ANTXR1: variants seen among roughly 807,000 people sequenced by gnomAD.
ANTXR1 encodes the protein ANTXR cell adhesion molecule 1.
A neutral mutation model predicts 78.1 loss-of-function variants in ANTXR1; 19 were observed. That is an observed-to-expected ratio of 0.24 (90% CI 0.17 to 0.36). The LOEUF (loss-of-function observed/expected upper bound fraction) is 0.36. ANTXR1 is among the 10% of genes least tolerant of loss of function. The probability of loss-of-function intolerance (pLI) is 1.00; values close to 1 mark genes in which losing one functional copy is unlikely to be tolerated. For synonymous variants in ANTXR1, 273 were observed against 260.5 expected (o/e 1.05, Z -0.46); for missense variants, 518 against 718.6 (o/e 0.72, Z 3.19).
intron 10 of ANTXR1, chr2:69,103,180 G>C (rs1671683049): frequency 1.8e-6 from 1 of 541,538 alleles, no homozygotes; most frequent in African/African-American, 1.9e-5. Context: ...GGCTGGACTT[G>C]AGTCCCCGTC....
At chr2:69,187,153 C>T (rs1391434836) in intron 16 of ANTXR1, among the ~76,000 whole-genome samples, 1 of 152,140 alleles carries the variant, frequency 6.6e-6, no homozygotes, top group Admixed American at 6.5e-5. Flanking sequence ...AGAGAACACA[C>T]GGAGGGAAGA....
chr2:69,244,508 G>T (rs1384098148), intron 17 of ANTXR1, among the ~76,000 whole-genome samples: 1 of 152,200 alleles, frequency 6.6e-6, no homozygotes, highest in African/African-American at 2.4e-5. Flanking sequence ...TGAGGAAGCT[G>T]TATTGATCAC....
intron 5 of ANTXR1, among the ~76,000 whole-genome samples, chr2:69,072,610 A>G (rs1452840625): frequency 6.6e-6 from 1 of 152,218 alleles, no homozygotes; most frequent in African/African-American, 2.4e-5. Context: ...ACTGTCTTCA[A>G]GGGGTGGTGT....
intron 16 of ANTXR1, among the ~76,000 whole-genome samples, chr2:69,184,641 G>T (rs77519581): frequency 0.042 from 6,421 of 152,200 alleles, 347 homozygotes; most frequent in East Asian, 0.13. Flanking sequence ...TGAGAGCATA[G>T]TCCTCTATTG....
At chr2:69,223,134 G>A (rs1031232765) in intron 17 of ANTXR1, among the ~76,000 whole-genome samples, 1 of 152,156 alleles carries the variant, frequency 6.6e-6, no homozygotes, top group South Asian at 2.1e-4. Context: ...CTACTCAGAA[G>A]GTCCCCAGAG....
chr2:69,076,472 TTCA>T (rs1670735338), intron 7 of ANTXR1, among the ~76,000 whole-genome samples: 1 of 152,246 alleles, frequency 6.6e-6, no homozygotes, highest in Non-Finnish European at 1.5e-5. Flanking sequence ...CTCAATGTAG[TTCA>T]TCGTTTCTTT....
chr2:69,136,252 C>T (rs1672907705), intron 12 of ANTXR1, among the ~76,000 whole-genome samples: 1 of 152,156 alleles, frequency 6.6e-6, no homozygotes, highest in South Asian at 2.1e-4. Context: ...CCCCCATTCA[C>T]AGTGGAAAAT....
chr2:69,073,173 TCTC>T, intron 6 of ANTXR1, 72 bp downstream of exon 6: 1 of 1,351,212 alleles, frequency 7.4e-7, no homozygotes, highest in Non-Finnish European at 1.1e-6. Flanking sequence ...TGGGCCACAC[TCTC>T]TCTATTCATG....
At chr2:69,173,232 C>A (rs1017825660) in intron 14 of ANTXR1, among the ~76,000 whole-genome samples, 1 of 152,208 alleles carries the variant, frequency 6.6e-6, no homozygotes, top group South Asian at 2.1e-4. Context: ...CTTCTGCCTT[C>A]TCTTACTGGC....
chr2:69,193,277 G>T, intron 16 of ANTXR1, 58 bp from the exon 17 acceptor site: 8 of 1,507,586 alleles, frequency 5.3e-6, no homozygotes, highest in African/African-American at 1.4e-5. Flanking sequence ...GTGAGCCTAC[G>T]GCGGCTAGCC....
At chr2:69,139,594 GGATGATAGATTCATGGTTGATCATA>G (rs1483908984) in intron 12 of ANTXR1, among the ~76,000 whole-genome samples, 1 of 152,186 alleles carries the variant, frequency 6.6e-6, no homozygotes, top group African/African-American at 2.4e-5. Context: ...GGTTGATCAT[GGATGATAGATTCATGGTTGATCATA>G]GATGATAGAT....
At chr2:69,187,713 G>C (rs778142792) in intron 16 of ANTXR1, among the ~76,000 whole-genome samples, 1 of 146,666 alleles carries the variant, frequency 6.8e-6, no homozygotes, top group Non-Finnish European at 1.5e-5. Context: ...TCAGCCTCCC[G>C]AGTAGCTGGG....
At chr2:69,199,533 A>G (rs1005478028) in intron 17 of ANTXR1, among the ~76,000 whole-genome samples, 1 of 152,228 alleles carries the variant, frequency 6.6e-6, no homozygotes, top group African/African-American at 2.4e-5. Flanking sequence ...CCATCTTCAC[A>G]TATTCTGTTC....
intron 13 of ANTXR1, among the ~76,000 whole-genome samples, chr2:69,163,237 C>T (rs4375901): frequency 0.6 from 90,292 of 151,722 alleles, 29,445 homozygotes; most frequent in East Asian, 0.9. Flanking sequence ...TATGACTCAG[C>T]GTCTTGTTAT....
intron 12 of ANTXR1, among the ~76,000 whole-genome samples, chr2:69,134,703 C>T (rs140339595): frequency 1.4e-3 from 219 of 152,228 alleles, no homozygotes; most frequent in African/African-American, 4.9e-3. Context: ...TCTAAGAGAG[C>T]TCTGTTGGTG....
chr2:69,015,386 A>T (rs1289784596), intron 1 of ANTXR1, among the ~76,000 whole-genome samples: 1 of 152,116 alleles, frequency 6.6e-6, no homozygotes, highest in African/African-American at 2.4e-5. Flanking sequence ...TAAAAACAGG[A>T]TGGTAAAGGC....
chr2:69,186,982 A>G (rs1035540521), intron 16 of ANTXR1, among the ~76,000 whole-genome samples: 5 of 152,198 alleles, frequency 3.3e-5, no homozygotes, highest in African/African-American at 9.7e-5. Flanking sequence ...CAACAGCTCT[A>G]CCTCACACAA....
At chr2:69,036,235 A>G (rs555378110) in intron 1 of ANTXR1, among the ~76,000 whole-genome samples, 142 of 152,236 alleles carry the variant, frequency 9.3e-4, no homozygotes, top group African/African-American at 1.8e-3. Context: ...TTTTATTTCT[A>G]TGGGTACATA....
In ANTXR1 at chr2:69,095,170, T is replaced by C. The variant is rs1233971490; in HGVS notation, c.703+4251T>C. Among the ~76,000 whole-genome samples, 3 of 152,182 alleles carry C rather than the reference T, an allele frequency of 2.0e-5. No individual in the cohort carries two copies. The East Asian group carries it at 5.8e-4, about 29-fold the overall frequency. ...TATAATTAATTCATGGATTCATTCT[T>C]TCTTTCATTTCCTTCTTTCCTTGCT... On this transcript the variant is annotated intron_variant, in intron 9 of 17. Coordinates refer to ENST00000303714, the MANE Select transcript of ANTXR1 (RefSeq NM_032208.3).
Sources: allele counts gnomAD v4.1 joint callset (sites outside exome capture counted in the v4.1 genomes callset), GRCh38; gene constraint gnomAD v4.1.1; transcripts MANE v1.5; gene names NCBI Gene and HGNC (gene_info 2026-07-23, HGNC 2026-07-21).